Variants in MCC observed in about 807,000 individuals in gnomAD.
MCC encodes the protein colorectal mutant cancer protein.
Under a neutral mutation model 116.2 loss-of-function variants are expected in MCC, and 90 were observed. The observed-to-expected ratio is 0.77, with a 90% CI of 0.65 to 0.92. The LOEUF is 0.92. Ranked by LOEUF, MCC falls within the 40% of genes least tolerant of loss-of-function variation. The probability of loss-of-function intolerance (pLI) is 0.00; values close to 1 mark genes in which losing one functional copy is unlikely to be tolerated. For missense variants in MCC, 1,516 were observed against 1,312.2 expected, an observed-to-expected ratio of 1.16 and a Z score of -2.40; for synonymous variants, 578 against 510.5, an observed-to-expected ratio of 1.13 and a Z score of -1.78.
At chr5:113,068,219 A>C in intron 12 of MCC, 36 bp from the exon 13 acceptor site, 2 of 1,529,012 alleles carry the variant, frequency 1.3e-6, no homozygotes, top group Non-Finnish European at 1.8e-6. Context: ...GCCCTTGCAG[A>C]GAACAGCGGA....
intron 3 of MCC, among the ~76,000 whole-genome samples, chr5:113,324,507 T>G (rs184037619): frequency 4.4e-4 from 67 of 152,272 alleles, no homozygotes; most frequent in African/African-American, 1.3e-3. Context: ...CCTTCCAGTA[T>G]CCCTATGCCC....
At chr5:113,127,946 GT>G (rs1758172818) in intron 5 of MCC, among the ~76,000 whole-genome samples, 2 of 152,176 alleles carry the variant, frequency 1.3e-5, no homozygotes, top group African/African-American at 2.4e-5. Flanking sequence ...AATTGCCTAG[GT>G]TGTCTCCCAT....
chr5:113,094,322 A>G (rs910138839), intron 8 of MCC, among the ~76,000 whole-genome samples: 11 of 152,024 alleles, frequency 7.2e-5, no homozygotes, highest in Admixed American at 3.9e-4. Flanking sequence ...GGTAAGTTTG[A>G]TATGTGTGCT....
chr5:113,200,317 A>C (rs1762621009), intron 3 of MCC, among the ~76,000 whole-genome samples: 1 of 152,204 alleles, frequency 6.6e-6, no homozygotes. Context: ...CAAATATAGC[A>C]ACAGGCAGGT....
At chr5:113,083,389 G>C (rs1754995876) in intron 10 of MCC, among the ~76,000 whole-genome samples, 1 of 152,114 alleles carries the variant, frequency 6.6e-6, no homozygotes, top group Non-Finnish European at 1.5e-5. Flanking sequence ...GCCCAGGAGA[G>C]GGGCTGACTC....
At chr5:113,487,329 C>T (rs1772561694) in intron 1 of MCC, among the ~76,000 whole-genome samples, 1 of 152,086 alleles carries the variant, frequency 6.6e-6, no homozygotes, top group African/African-American at 2.4e-5. Context: ...TCATCCAAGG[C>T]AATTCAAATT....
chr5:113,124,958 C>A (rs1310630899), intron 5 of MCC, among the ~76,000 whole-genome samples: 1 of 152,196 alleles, frequency 6.6e-6, no homozygotes, highest in East Asian at 1.9e-4. Flanking sequence ...CGCTCAAGAT[C>A]AGTTAGGACC....
intron 11 of MCC, among the ~76,000 whole-genome samples, chr5:113,075,688 G>C (rs767775398): frequency 1.1e-4 from 16 of 152,184 alleles, no homozygotes; most frequent in African/African-American, 3.9e-4. Flanking sequence ...CAGGATGTGG[G>C]TGGGACGAGA....
intron 17 of MCC, among the ~76,000 whole-genome samples, chr5:113,034,836 A>C (rs878075): frequency 0.98 from 148,975 of 152,328 alleles, 72,856 homozygotes; most frequent in East Asian, 1. Flanking sequence ...CAGGGCTGAC[A>C]GCCTCTTTGC....
rs759644832 is a variant in MCC at position 113,434,408 on chromosome 5, AAGG to A, written c.171-49199_171-49197del. The A allele has an allele frequency of 1.2e-6, 2 of 1,613,876 alleles. No homozygotes were observed. Among genetic ancestry groups the A allele is most frequent in the East Asian group, 2.2e-5 (1 of 44,828 alleles). On this transcript the variant is annotated intron_variant, in intron 1 of 18. Coordinates refer to ENST00000408903, the MANE Select transcript of MCC (RefSeq NM_001085377.2). This position sits in a 1 kb window ranked among gnomAD's most constrained non-coding sequence, Gnocchi z 4.2. ...ACAGCTTGATGTTGAAGTCCTTGTC[AAGG>A]AGAAGGTTGTCACACTTGAGGTCCC...
chr5:113,419,685 G>A, intron 1 of MCC, among the ~76,000 whole-genome samples: 1 of 151,608 alleles, frequency 6.6e-6, no homozygotes, highest in East Asian at 1.9e-4. Context: ...GGAATACTAT[G>A]CAGCCATAAA....
chr5:113,215,640 A>G (rs547296943), intron 3 of MCC, among the ~76,000 whole-genome samples: 7 of 152,186 alleles, frequency 4.6e-5, no homozygotes, highest in Non-Finnish European at 1.0e-4. Context: ...CTTCCCCTCC[A>G]ATGGATGCAG....
intron 3 of MCC, among the ~76,000 whole-genome samples, chr5:113,286,987 C>T (rs569301784): frequency 6.6e-6 from 1 of 152,210 alleles, no homozygotes; most frequent in Non-Finnish European, 1.5e-5. Flanking sequence ...AATTGAACTT[C>T]TGTTTATCTG....
In MCC at chr5:113,279,307, A is replaced by G. The variant is rs568185936; in HGVS notation, c.627+61212T>C. Among the ~76,000 whole-genome samples, 185 of 152,330 alleles carry G rather than the reference A, an allele frequency of 1.2e-3. 6 individuals carry two copies. In the East Asian group the frequency reaches 0.021, roughly 17 times the overall value. ...GAAGCATTGCAGGCTGATTGCTTTG[A>G]TGAAAACTTAATTCTACCACTGAGG... is the stretch of plus-strand genomic sequence containing the variant. On this transcript the variant is annotated intron_variant, in intron 3 of 18. Coordinates refer to ENST00000408903, the MANE Select transcript of MCC (RefSeq NM_001085377.2).
At position 113,302,687 on chromosome 5, in the gene MCC, T is replaced by C. The variant is rs149369226; in HGVS notation, c.627+37832A>G. ...TAGAGGAGGTGGGAAGACAGGGTTA[T>C]TGATGAAACAAACTGTAATGATGAA... On this transcript the variant is annotated intron_variant, in intron 3 of 18. Transcript: ENST00000408903. Among the ~76,000 whole-genome samples, 14 of 152,314 alleles carry C rather than the reference T, an allele frequency of 9.2e-5. No individual in the cohort carries two copies. In the East Asian group the frequency reaches 2.7e-3, roughly 29 times the overall value.
chr5:113,392,360 G>A (rs780684714), intron 1 of MCC, among the ~76,000 whole-genome samples: 1 of 152,120 alleles, frequency 6.6e-6, no homozygotes, highest in African/African-American at 2.4e-5. Flanking sequence ...TAAGGAAAAC[G>A]TAATTTTAGA....
intron 1 of MCC, among the ~76,000 whole-genome samples, chr5:113,391,662 C>T (rs560711975): frequency 2.6e-5 from 4 of 151,842 alleles, no homozygotes; most frequent in African/African-American, 7.2e-5. Flanking sequence ...GAGGCTGCAG[C>T]GAGCTATGAT....
chr5:113,307,759 A>G (rs759929344), intron 3 of MCC, among the ~76,000 whole-genome samples: 3 of 152,184 alleles, frequency 2.0e-5, no homozygotes, highest in Non-Finnish European at 4.4e-5. Flanking sequence ...GTCTTTTACC[A>G]TTAAAAATGA....
chr5:113,405,480 A>G (rs2150400402), intron 1 of MCC, among the ~76,000 whole-genome samples: 1 of 152,314 alleles, frequency 6.6e-6, no homozygotes, highest in East Asian at 1.9e-4. Context: ...GTGGTTTGGT[A>G]GGAAAAAACA....
Sources: allele counts gnomAD v4.1 joint callset (sites outside exome capture counted in the v4.1 genomes callset), GRCh38; gene constraint gnomAD v4.1.1; non-coding constraint Gnocchi (gnomAD v3.1); transcripts MANE v1.5; gene names NCBI Gene and HGNC (gene_info 2026-07-23, HGNC 2026-07-21).